VAX2: variants seen among roughly 807,000 people sequenced by gnomAD.
VAX2 encodes the protein ventral anterior homeobox 2.
A neutral mutation model predicts 12.5 loss-of-function variants in VAX2; 8 were observed. That is an observed-to-expected ratio of 0.64 (90% CI 0.37 to 1.15). The LOEUF (loss-of-function observed/expected upper bound fraction) is 1.15, where lower values mean the gene tolerates loss of function less well. Among genes scored for constraint, VAX2 ranks in the 50% most tolerant of loss-of-function variants. The pLI is 0.01. For missense variants in VAX2, 476 were observed against 412.9 expected (o/e 1.15, Z -1.32); for synonymous variants, 183 against 187.6 (o/e 0.98, Z 0.20).
chr2:70,919,039 C>T (rs13013342), intron 1 of VAX2, among the ~76,000 whole-genome samples: 120,769 of 150,770 alleles, frequency 0.8, 48,947 homozygotes, highest in African/African-American at 0.94. Flanking sequence ...CTGTCTCTAC[C>T]AAAAATACAA....
intron 1 of VAX2, among the ~76,000 whole-genome samples, chr2:70,915,970 C>A (rs1371346354): frequency 4.6e-5 from 7 of 152,090 alleles, no homozygotes; most frequent in Non-Finnish European, 1.0e-4. Context: ...TCCACTTTAG[C>A]CTCACCCTAA....
intron 1 of VAX2, among the ~76,000 whole-genome samples, chr2:70,907,360 T>G (rs1679084202): frequency 6.6e-6 from 1 of 152,232 alleles, no homozygotes. Flanking sequence ...CTTTCGGCTT[T>G]CGGCTTTCGG....
At chr2:70,916,888 C>T (rs1165194889) in intron 1 of VAX2, among the ~76,000 whole-genome samples, 1 of 152,070 alleles carries the variant, frequency 6.6e-6, no homozygotes, top group African/African-American at 2.4e-5. Flanking sequence ...TTACAGCTCA[C>T]GCCTGTAATC....
chr2:70,929,293 C>G (rs76650580), intron 2 of VAX2, among the ~76,000 whole-genome samples: 2,275 of 152,354 alleles, frequency 0.015, 64 homozygotes, highest in African/African-American at 0.052. Flanking sequence ...ATCCTGCCAC[C>G]TTTCTCTAAA....
At chr2:70,906,737 T>C (rs1553410643) in intron 1 of VAX2, among the ~76,000 whole-genome samples, 2 of 152,158 alleles carry the variant, frequency 1.3e-5, no homozygotes, top group Non-Finnish European at 2.9e-5. Flanking sequence ...ACTCACTGTG[T>C]GCCAGACTGA....
At chr2:70,905,624 G>A (rs182082191) in intron 1 of VAX2, among the ~76,000 whole-genome samples, 121 of 152,264 alleles carry the variant, frequency 7.9e-4, no homozygotes, top group Non-Finnish European at 1.4e-3. Context: ...TCTGTTCCCC[G>A]CCTGGTCTGG....
rs918328282 is a variant in VAX2 at position 70,900,826 on chromosome 2, G to C, written c.205G>C (p.Gly69Arg). Residue 69 changes from glycine to arginine, a missense_variant, in exon 1 of 3, where the codon GGG becomes CGG. Physicochemically the swap from Gly to Arg is moderately radical, Grantham distance 125 (BLOSUM62 -2). Transcript: ENST00000234392. The part of the protein sequence containing the change: ...ESGADSDGQP[G>R]PGEADHCRRI... ...TGGAGCCGACAGCGACGGGCAGCCC[G>C]GGCCCGGCGAGGCAGACCACTGCCG... 2 of 1,477,796 alleles carry C rather than the reference G, an allele frequency of 1.4e-6. No homozygotes were observed. Among genetic ancestry groups the C allele is most frequent in the Non-Finnish European group, 9.0e-7 (1 of 1,114,900 alleles). The allele number at this position is 1,477,796 out of a possible 1,614,324, so 91.5% of individuals were successfully genotyped here. A position where few individuals can be genotyped will look rare whatever the true frequency, so the allele number is the denominator to read the frequency against.
chr2:70,912,794 T>A (rs1402411484), intron 1 of VAX2, among the ~76,000 whole-genome samples: 1 of 151,442 alleles, frequency 6.6e-6, no homozygotes, highest in Non-Finnish European at 1.5e-5. Context: ...GCACCAGAGG[T>A]CAGAAGCATA....
In VAX2 at chr2:70,900,820, C is replaced by A; in HGVS notation, c.199C>A (p.Gln67Lys). Reference sequence around the variant, plus strand: ...GGAGAGTGGAGCCGACAGCGACGGGCAGCCCGGGCCCGGCGAGGCAGACCA... The same window carrying A: ...GGAGAGTGGAGCCGACAGCGACGGGAAGCCCGGGCCCGGCGAGGCAGACCA... Reference protein sequence around the residue: ...SRESGADSDGQPGPGEADHCR... With the variant: ...SRESGADSDGKPGPGEADHCR... The change falls in exon 1 of 3, where the codon CAG (glutamine) becomes AAG (lysine). Residue 67 changes from glutamine to lysine, a missense_variant. By Grantham distance (53) the Gln-to-Lys change is moderately conservative. Transcript: ENST00000234392. 6.7e-7 allele frequency: 1 copy of A among 1,483,094 alleles called. No homozygotes were observed. Among genetic ancestry groups the A allele is most frequent in the African/African-American group, 1.4e-5 (1 of 69,306 alleles). 91.9% of individuals were successfully genotyped at this position (1,483,094 alleles called of 1,614,324 possible).
intron 1 of VAX2, among the ~76,000 whole-genome samples, chr2:70,913,065 T>C (rs1465907876): frequency 6.6e-6 from 1 of 152,230 alleles, no homozygotes; most frequent in African/African-American, 2.4e-5. Flanking sequence ...ACTATTTTAG[T>C]AAGATAGGCT....
chr2:70,903,356 C>G (rs1162455538), intron 1 of VAX2, among the ~76,000 whole-genome samples: 2 of 152,176 alleles, frequency 1.3e-5, no homozygotes, highest in African/African-American at 4.8e-5. Flanking sequence ...CTTGGGGAGG[C>G]CTCACCCCTT....
intron 1 of VAX2, among the ~76,000 whole-genome samples, chr2:70,916,423 A>G (rs182254322): frequency 1.6e-3 from 248 of 152,252 alleles, no homozygotes; most frequent in African/African-American, 5.6e-3. Flanking sequence ...ATATAGTTCT[A>G]TGACATTTTA....
At chr2:70,901,469 G>A (rs781811162) in intron 1 of VAX2, among the ~76,000 whole-genome samples, 1 of 152,254 alleles carries the variant, frequency 6.6e-6, no homozygotes, top group Non-Finnish European at 1.5e-5. Context: ...GCGGCGCCTG[G>A]GCCCAGCCGG....
chr2:70,919,541 A>T (rs1208123474), intron 1 of VAX2, among the ~76,000 whole-genome samples: 1 of 151,366 alleles, frequency 6.6e-6, no homozygotes, highest in Non-Finnish European at 1.5e-5. Context: ...AGAAAAAAAT[A>T]ATTAAAAAAT....
chr2:70,901,231 G>A (rs1486364259), intron 1 of VAX2, among the ~76,000 whole-genome samples: 1 of 152,236 alleles, frequency 6.6e-6, no homozygotes, highest in Non-Finnish European at 1.5e-5. Context: ...CGTCTTGCGC[G>A]CTCCGCGGGG....
intron 1 of VAX2, among the ~76,000 whole-genome samples, chr2:70,902,533 G>A (rs3755340): frequency 0.12 from 18,338 of 152,150 alleles, 1,260 homozygotes; most frequent in Admixed American, 0.2. Flanking sequence ...TCCCAGGGGA[G>A]GATCTAAAGT....
chr2:70,921,297 G>C lies in VAX2; in HGVS notation c.435+12G>C. On this transcript the variant is annotated intron_variant, in intron 2 of 2. Coordinates refer to ENST00000234392, the MANE Select transcript of VAX2 (RefSeq NM_012476.3). ...TCTCCGAGACCCAGGTAAGAGACCAGGGCCAGGCCACTCCACTCTTGTCCT... is the reference window on the plus strand; with the variant it reads ...TCTCCGAGACCCAGGTAAGAGACCACGGCCAGGCCACTCCACTCTTGTCCT... 1 of 1,590,560 alleles carries C rather than the reference G, an allele frequency of 6.3e-7. No homozygotes were observed. Among genetic ancestry groups the C allele is most frequent in the Non-Finnish European group, 8.6e-7 (1 of 1,168,280 alleles).
At chr2:70,902,525 C>G (rs1331886021) in intron 1 of VAX2, among the ~76,000 whole-genome samples, 1 of 152,168 alleles carries the variant, frequency 6.6e-6, no homozygotes, top group Non-Finnish European at 1.5e-5. Context: ...CCACACATTC[C>G]CAGGGGAGGA....
intron 2 of VAX2, among the ~76,000 whole-genome samples, chr2:70,924,553 A>C (rs1390077491): frequency 6.6e-6 from 1 of 152,086 alleles, no homozygotes; most frequent in Non-Finnish European, 1.5e-5. Flanking sequence ...AGAAAAGTTA[A>C]ATAGATAACT....
Sources: allele counts gnomAD v4.1 joint callset (sites outside exome capture counted in the v4.1 genomes callset), GRCh38; gene constraint gnomAD v4.1.1; transcripts MANE v1.5; gene names NCBI Gene and HGNC (gene_info 2026-07-23, HGNC 2026-07-21).